TRPC5OS: variants seen among roughly 807,000 people sequenced by gnomAD.
TRPC5OS encodes putative uncharacterized protein TRPC5OS.
For synonymous variants in TRPC5OS, 30 were observed against 29.3 expected (o/e 1.02, Z -0.08); for missense variants, 64 against 79.3 (o/e 0.81, Z 0.73).
chrX:111,892,022 G>T (rs1463403570), intron 1 of TRPC5OS, among the ~76,000 whole-genome samples: 1 of 111,995 alleles, frequency 8.9e-6, no homozygotes, highest in Admixed American at 9.5e-5. Context: ...AAGCACATTT[G>T]CAGGCAGAGG....
At chrX:111,882,811 C>T (rs575271568) in intron 1 of TRPC5OS, among the ~76,000 whole-genome samples, 4 of 112,190 alleles carry the variant, frequency 3.6e-5, no homozygotes, top group African/African-American at 9.7e-5. Context: ...GCCGGCTGGG[C>T]GCTGTGGCTC....
At chrX:111,881,712 A>G (rs762490999) in intron 1 of TRPC5OS, among the ~76,000 whole-genome samples, 10 of 110,746 alleles carry the variant, frequency 9.0e-5, no homozygotes, top group African/African-American at 3.0e-4. Flanking sequence ...CAGTGTGGTT[A>G]AGGTAAGTAA....
chrX:111,880,370 A>T (rs1924152750), intron 1 of TRPC5OS, among the ~76,000 whole-genome samples: 1 of 112,496 alleles, frequency 8.9e-6, no homozygotes, highest in Non-Finnish European at 1.9e-5. Context: ...TGAATGTGTT[A>T]ACTTTCTAGT....
chrX:111,901,830 AT>A lies in TRPC5OS; in HGVS notation c.-17del. The A allele has an allele frequency of 9.2e-7, 1 of 1,087,260 alleles. No individual in the cohort carries two copies. Among genetic ancestry groups the A allele is most frequent in the Non-Finnish European group, 1.2e-6 (1 of 830,582 alleles). The allele number at this position is 1,087,260 out of a possible 1,213,427, so 89.6% of individuals were successfully genotyped here. On this transcript the variant is annotated 5_prime_UTR_variant, in exon 4 of 4. Coordinates refer to ENST00000635763, the MANE Select transcript of TRPC5OS (RefSeq NM_001195578.2). ...TAGAGCTTTTAGTGATATTTTATCT[AT>A]TTAGAAGAGCACTGCAGCATGGATT...
At chrX:111,892,956 G>C (rs986221157) in intron 1 of TRPC5OS, among the ~76,000 whole-genome samples, 1 of 111,470 alleles carries the variant, frequency 9.0e-6, no homozygotes, top group Admixed American at 9.5e-5. Flanking sequence ...AATTCGTTGT[G>C]CTAACTAACT....
chrX:111,901,504 G>T (rs1387413365), intron 3 of TRPC5OS, 36 bp from the exon 4 acceptor site: 1 of 131,767 alleles, frequency 7.6e-6, no homozygotes, highest in Non-Finnish European at 1.5e-5. Context: ...AAGGCTCAAA[G>T]ATACTAATCT....
At chrX:111,876,981 G>C (rs1246125172) in intron 1 of TRPC5OS, among the ~76,000 whole-genome samples, 1 of 111,627 alleles carries the variant, frequency 9.0e-6, no homozygotes, top group Non-Finnish European at 1.9e-5. Context: ...TGTTCTCGGA[G>C]TTCATTCTGT....
intron 1 of TRPC5OS, among the ~76,000 whole-genome samples, chrX:111,894,559 A>G (rs756960151): frequency 1.8e-5 from 2 of 111,441 alleles, no homozygotes; most frequent in Non-Finnish European, 3.8e-5. Context: ...TAGCACTGCC[A>G]TGAAGTAGAG....
intron 1 of TRPC5OS, among the ~76,000 whole-genome samples, chrX:111,888,502 G>A (rs1329416147): frequency 3.2e-5 from 3 of 92,997 alleles, no homozygotes; most frequent in East Asian, 3.2e-4. Flanking sequence ...GTGAAACCCC[G>A]TCTCTACCAA....
Position 111,902,012 on chromosome X carries a change from C to A in TRPC5OS, c.163C>A (p.Leu55Ile). 8.7e-7 allele frequency: 1 copy of A among 1,155,787 alleles called. No individual in the cohort carries two copies. Among genetic ancestry groups the A allele is most frequent in the Non-Finnish European group, 1.1e-6 (1 of 872,810 alleles). The change falls in exon 4 of 4, where the codon CTT becomes ATT. Residue 55 changes from leucine (L) to isoleucine (I), a missense_variant. Leu to Ile is a conservative substitution (Grantham distance 5). Coordinates refer to ENST00000635763, the MANE Select transcript of TRPC5OS (RefSeq NM_001195578.2). ...AGAAGAGACTGAAGCAGATGCACCT[C>A]TTCCCGAGGAGCCTTCGCTACCTGA... Reference protein sequence around the residue: ...RAEETEADAPLPEEPSLPDLP... With the variant: ...RAEETEADAPIPEEPSLPDLP...
chrX:111,885,946 G>T (rs1924470602), intron 1 of TRPC5OS, among the ~76,000 whole-genome samples: 1 of 111,615 alleles, frequency 9.0e-6, no homozygotes, highest in South Asian at 3.8e-4. Context: ...CTTGAACCTA[G>T]GTTTCTCTGC....
At chrX:111,877,088 A>C (rs1163601102) in intron 1 of TRPC5OS, among the ~76,000 whole-genome samples, 1 of 111,656 alleles carries the variant, frequency 9.0e-6, no homozygotes, top group Non-Finnish European at 1.9e-5. Flanking sequence ...GAATTGGCAA[A>C]AGGGATGGGA....
At chrX:111,891,540 A>T (rs1408056979) in intron 1 of TRPC5OS, among the ~76,000 whole-genome samples, 3 of 109,887 alleles carry the variant, frequency 2.7e-5, no homozygotes, top group African/African-American at 1.0e-4. Flanking sequence ...TATTTTGTTT[A>T]TTTTATTTTT....
intron 1 of TRPC5OS, among the ~76,000 whole-genome samples, chrX:111,881,002 G>A (rs747414672): frequency 9.0e-5 from 10 of 111,501 alleles, no homozygotes; most frequent in Non-Finnish European, 1.5e-4. Flanking sequence ...TTACACTCCC[G>A]TTACTGCAAT....
At chrX:111,898,829 A>G (rs770300988) in intron 3 of TRPC5OS, among the ~76,000 whole-genome samples, 1 of 110,585 alleles carries the variant, frequency 9.0e-6, no homozygotes, top group South Asian at 3.9e-4. Context: ...AGGAGATAAT[A>G]TTAAAGTAGA....
intron 1 of TRPC5OS, among the ~76,000 whole-genome samples, chrX:111,884,908 G>A (rs1423255539): frequency 8.9e-6 from 1 of 112,355 alleles, no homozygotes; most frequent in Non-Finnish European, 1.9e-5. Flanking sequence ...GAAAAGCTGT[G>A]GTCAGACTTT....
chrX:111,881,973 C>CA (rs1924246087), intron 1 of TRPC5OS: 1 of 110,963 alleles, frequency 9.0e-6, no homozygotes, highest in African/African-American at 3.3e-5. Context: ...CTTCTGGCTG[C>CA]AAAGAGCCTA....
At chrX:111,894,770 G>A (rs182086130) in intron 1 of TRPC5OS, among the ~76,000 whole-genome samples, 120 of 111,226 alleles carry the variant, frequency 1.1e-3, no homozygotes, top group Middle Eastern at 4.7e-3. Context: ...AGTAAATTGC[G>A]CAAATTTTAA....
intron 1 of TRPC5OS, among the ~76,000 whole-genome samples, chrX:111,881,240 A>C: frequency 9.2e-6 from 1 of 108,957 alleles, no homozygotes. Flanking sequence ...GTAGTGGCAC[A>C]ATCTCTGCTC....
Sources: gnomAD v4.1 joint callset for allele counts (sites outside exome capture counted in the v4.1 genomes callset) on GRCh38, gnomAD v4.1.1 for gene constraint, MANE v1.5 for transcripts, NCBI Gene and HGNC (gene_info 2026-07-23, HGNC 2026-07-21) for gene names.